SYNE2: variants seen among roughly 807,000 people sequenced by gnomAD.
SYNE2 encodes the protein nesprin-2.
Under a neutral mutation model 856.3 loss-of-function variants are expected in SYNE2, and 431 were observed. The ratio of observed to expected loss-of-function variants is 0.50; its 90% confidence interval spans 0.47 to 0.55. The LOEUF (loss-of-function observed/expected upper bound fraction) is 0.55, where lower values mean the gene tolerates loss of function less well. SYNE2 is among the 20% of genes least tolerant of loss of function. The pLI is 0.00. For synonymous variants in SYNE2, 2,923 were observed against 2,872.3 expected (o/e 1.02, Z -0.56); for missense variants, 8,129 against 8,023.2 (o/e 1.01, Z -0.50).
chr14:64,048,219 T>C, intron 46 of SYNE2, 64 bp downstream of exon 46: 2 of 1,549,718 alleles, frequency 1.3e-6, no homozygotes, highest in South Asian at 2.3e-5. Context: ...TACAATATAT[T>C]TTAATTGCCA....
rs967372485 is a variant in SYNE2 at position 63,950,023 on chromosome 14, G to A, written c.590+17G>A. 5.0e-6 allele frequency: 8 copies of A among 1,613,390 alleles called. No individual in the cohort carries two copies. In the East Asian group the frequency reaches 8.9e-5, roughly 18 times the overall value. On this transcript the variant is annotated intron_variant, in intron 7 of 115. Transcript: ENST00000555002. ...ATGCGCCACGTAAGTAGTTTGCTAT[G>A]ACCCTAAGAGACACACAGGGCAGCT...
intron 45 of SYNE2, among the ~76,000 whole-genome samples, chr14:64,036,675 C>T (rs896307292): frequency 1.3e-4 from 20 of 152,140 alleles, no homozygotes; most frequent in Admixed American, 2.6e-4. Context: ...TACTCTATAA[C>T]CCACACATTA....
chr14:63,963,846 A>C, intron 9 of SYNE2, 53 bp from the exon 10 acceptor site: 2 of 1,402,622 alleles, frequency 1.4e-6, no homozygotes, highest in Non-Finnish European at 2.0e-6. Context: ...TTTTTTGTTA[A>C]AAAAACCAAG....
At chr14:64,141,209 G>T (rs1595795871) in intron 80 of SYNE2, 132 bp from the exon 81 acceptor site, 2 of 652,932 alleles carry the variant, frequency 3.1e-6, no homozygotes, top group South Asian at 2.1e-5. Flanking sequence ...AGGAAAAAGG[G>T]GTGTGTGTGT....
intron 107 of SYNE2, chr14:64,215,566 C>G (rs1006406787): frequency 9.9e-6 from 6 of 608,220 alleles, no homozygotes; most frequent in Non-Finnish European, 1.8e-5. Context: ...TCGATGCCAA[C>G]CCCCTCTCCT....
At chr14:63,781,522 T>A (rs1435645449) in intron 1 of SYNE2, among the ~76,000 whole-genome samples, 1 of 151,622 alleles carries the variant, frequency 6.6e-6, no homozygotes, top group Admixed American at 6.6e-5. Context: ...TCTCGCTCTG[T>A]CGCCCAGGCT....
At position 64,025,424 on chromosome 14, in the gene SYNE2, A is replaced by G. The variant is rs1411668702; in HGVS notation, c.6252+3A>G. On this transcript the variant is annotated splice_donor_region_variant and intron_variant, in intron 41 of 115. Transcript: ENST00000555002. The stretch of plus-strand genomic sequence containing the variant: ...AGGAAAGAATCCAAAAAATCAAGGT[A>G]TAACTATGGAAACTAAATTTCAGAA... The G allele has an allele frequency of 6.2e-7, 1 of 1,610,528 alleles. No individual in the cohort carries two copies. The highest frequency in any genetic ancestry group is 2.2e-5 in the East Asian group (1 of 44,836).
chr14:63,814,619 AAT>A (rs959319685), intron 1 of SYNE2, among the ~76,000 whole-genome samples: 1 of 136,364 alleles, frequency 7.3e-6, no homozygotes, highest in African/African-American at 2.7e-5. Flanking sequence ...ATCCATATAT[AAT>A]ATATATCCTT....
rs189529769 is a variant in SYNE2, at chr14:63,881,668, C to T, written c.-51-27430C>T. On this transcript the variant is annotated intron_variant, in intron 1 of 115. Transcript: ENST00000555002. ...TTAGAAAAAAAACCCAAATTAATTT[C>T]TCCCTTAGTTAATTAATCTGCCACA... 1.4e-4 allele frequency among the ~76,000 whole-genome samples: 21 copies of T among 151,054 alleles called. 1 individual carries two copies. In the East Asian group the frequency reaches 3.9e-3, roughly 28 times the overall value.
chr14:63,818,281 G>A (rs1353859459), intron 1 of SYNE2, among the ~76,000 whole-genome samples: 1 of 148,584 alleles, frequency 6.7e-6, no homozygotes, highest in East Asian at 2.0e-4. Context: ...GTTGCAGTGA[G>A]CTGAGATTGC....
At chr14:63,991,219 T>A in intron 21 of SYNE2, 104 bp downstream of exon 21, 6 of 1,172,908 alleles carry the variant, frequency 5.1e-6, no homozygotes, top group Non-Finnish European at 7.4e-6. Context: ...TGAGTTACTG[T>A]AACTTAAAAA....
At position 64,125,109 on chromosome 14, in the gene SYNE2, G is replaced by A. The variant is rs747590976; in HGVS notation, c.13453G>A (p.Val4485Met). The change falls in exon 71 of 116, where the codon GTG becomes ATG. Residue 4485 changes from valine (V) to methionine (M), a missense_variant. Transcript: ENST00000555002. ...VSTNMGILPS[V>M]TMYNFRYPTT... The stretch of plus-strand genomic sequence containing the variant: ...CACAAATATGGGTATTCTACCCAGC[G>A]TGACTATGTATAACTTTAGATACCC... 2.2e-5 allele frequency: 35 copies of A among 1,614,028 alleles called. No homozygotes were observed. Among genetic ancestry groups the A allele is most frequent in the South Asian group, 1.2e-4 (11 of 91,082 alleles).
At position 64,048,119 on chromosome 14, in the gene SYNE2, T is replaced by C. The variant is rs1368543457; in HGVS notation, c.7341T>C (p.Asp2447=). 1 of 1,613,580 alleles carries C rather than the reference T, an allele frequency of 6.2e-7. No homozygotes were observed. Among genetic ancestry groups the C allele is most frequent in the East Asian group, 2.2e-5 (1 of 44,762 alleles). Residue 2447 remains aspartate, a synonymous_variant, in exon 46 of 116, where the codon GAT becomes GAC. Coordinates refer to ENST00000555002, the MANE Select transcript of SYNE2 (RefSeq NM_182914.3). The stretch of plus-strand genomic sequence containing the variant: ...TGCAAAATCAACCTTTAGAATTAGA[T>C]ACTATGTTAAGAAATGAACAATTAG... ...NELQNQPLEL[D]TMLRNEQLEE...
rs751620992 is a variant in SYNE2 at position 64,024,357 on chromosome 14, T to A, written c.5738T>A (p.Leu1913His). 1.9e-6 allele frequency: 3 copies of A among 1,614,152 alleles called. No individual in the cohort carries two copies. Among genetic ancestry groups the A allele is most frequent in the Non-Finnish European group, 1.7e-6 (2 of 1,180,014 alleles). Residue 1913 changes from leucine (L) to histidine (H), a missense_variant, in exon 39 of 116, where the codon CTT (leucine) becomes CAT (histidine). This residue lies in a region of SYNE2 where 2,422 missense variants were observed against 2,357.4 expected (regional missense o/e 1.03). Coordinates refer to ENST00000555002, the MANE Select transcript of SYNE2 (RefSeq NM_182914.3). ...KHLPKAHVKE[L>H]ISWLVGQEFE... The stretch of plus-strand genomic sequence containing the variant: ...CTGCCCAAAGCACATGTGAAGGAGC[T>A]TATCAGTTGGCTCGTGGGTCAGGAA...
Position 64,132,330 on chromosome 14 carries a change from T to C in SYNE2, c.14406T>C (p.Pro4802=). The change falls in exon 77 of 116, where the codon CCT becomes CCC. Residue 4802 remains proline, a synonymous_variant. Transcript: ENST00000555002. The part of the protein sequence containing the change: ...LIQAYSAKIL[P]SLLQNRETFW... ...AAGCATACTCTGCCAAAATACTTCC[T>C]TCTTTATTGCAAAACAGAGAGACAT... 6.2e-7 allele frequency: 1 copy of C among 1,614,214 alleles called. No homozygotes were observed. Among genetic ancestry groups the C allele is most frequent in the Non-Finnish European group, 8.5e-7 (1 of 1,180,036 alleles).
intron 61 of SYNE2, among the ~76,000 whole-genome samples, chr14:64,093,971 T>C (rs945771326): frequency 6.6e-6 from 1 of 152,206 alleles, no homozygotes; most frequent in Non-Finnish European, 1.5e-5. Context: ...CTGAATACTA[T>C]TGTAATGAAG....
At chr14:63,771,004 C>T (rs1357357195) in intron 1 of SYNE2, among the ~76,000 whole-genome samples, 3 of 151,738 alleles carry the variant, frequency 2.0e-5, no homozygotes, top group Non-Finnish European at 1.5e-5. Flanking sequence ...TCATGCCCGA[C>T]CTAAAATCAG....
At chr14:64,114,149 T>C (rs2097835677) in intron 66 of SYNE2, among the ~76,000 whole-genome samples, 1 of 152,196 alleles carries the variant, frequency 6.6e-6, no homozygotes, top group African/African-American at 2.4e-5. Context: ...TTACTAGGAA[T>C]GCCCTGGGTT....
intron 10 of SYNE2, among the ~76,000 whole-genome samples, chr14:63,965,206 G>A (rs1018033895): frequency 2.6e-5 from 4 of 151,930 alleles, no homozygotes; most frequent in African/African-American, 7.3e-5. Flanking sequence ...CAAGTGATTC[G>A]CCCACCTCAG....
Sources: allele counts gnomAD v4.1 joint callset (sites outside exome capture counted in the v4.1 genomes callset), GRCh38; gene constraint gnomAD v4.1.1; regional missense constraint gnomAD v4.1.1; transcripts MANE v1.5; gene names NCBI Gene and HGNC (gene_info 2026-07-23, HGNC 2026-07-21).